Variants in ZNF587 observed in about 807,000 individuals in gnomAD.
ZNF587 encodes the protein zinc finger protein 587, also known as zinc finger protein zfp6.
A neutral mutation model predicts 7.5 loss-of-function variants in ZNF587; 8 were observed. The observed-to-expected ratio is 1.06, with a 90% CI of 0.62 to 1.92. The LOEUF is 1.92. Among genes scored for constraint, ZNF587 ranks in the 40% most tolerant of loss-of-function variants. The probability of loss-of-function intolerance (pLI) is 0.00; values close to 1 mark genes in which losing one functional copy is unlikely to be tolerated. For synonymous variants in ZNF587, 145 were observed against 237.8 expected (o/e 0.61, Z 3.59); for missense variants, 468 against 692.8 (o/e 0.68, Z 3.64).
rs1170631135 is a variant in ZNF587, at chr19:57,864,842, G to C, written c.*4702G>C. 1 of 152,014 alleles carries C rather than the reference G, an allele frequency of 6.6e-6. No individual in the cohort carries two copies. The highest frequency in any genetic ancestry group is 1.5e-5 in the Non-Finnish European group (1 of 68,016). 9.4% of individuals were successfully genotyped at this position (152,014 alleles called of 1,614,324 possible). Reference sequence around the variant, plus strand: ...ACCTTTGTAATCAGGGGGAATTAAAGAGCCTTCCTGGAAAATGGAGGTTGC... The same window carrying C: ...ACCTTTGTAATCAGGGGGAATTAAACAGCCTTCCTGGAAAATGGAGGTTGC... On this transcript the variant is annotated 3_prime_UTR_variant, in exon 3 of 3. Coordinates refer to ENST00000339656, the MANE Select transcript of ZNF587 (RefSeq NM_032828.4).
intron 1 of ZNF587, chr19:57,852,529 T>G: frequency 5.1e-6 from 2 of 395,866 alleles, no homozygotes; most frequent in Non-Finnish European, 8.9e-6. Context: ...AGCTAGGTTT[T>G]CTTTTTTTTT....
At chr19:57,850,193 C>T (rs1044632012) in intron 1 of ZNF587, 122 bp downstream of exon 1, 30 of 1,572,734 alleles carry the variant, frequency 1.9e-5, no homozygotes, top group East Asian at 4.6e-5. Context: ...CACTGAGGCG[C>T]TCACAGGAGG....
Position 57,864,962 on chromosome 19 carries a change from A to G in ZNF587, c.*4822A>G, listed in dbSNP as rs2071489672. The G allele has an allele frequency of 6.6e-6, 1 of 152,140 alleles. No homozygotes were observed. Among genetic ancestry groups the G allele is most frequent in the Non-Finnish European group, 1.5e-5 (1 of 68,042 alleles). The allele number at this position is 152,140 out of a possible 1,614,324, so 9.4% of individuals were successfully genotyped here. A position where few individuals can be genotyped will look rare whatever the true frequency, so the allele number is the denominator to read the frequency against. On this transcript the variant is annotated 3_prime_UTR_variant, in exon 3 of 3. Transcript: ENST00000339656. ...AAAAAATTCTTTATTTTCTCCATAA[A>G]CTACAGTTTATATAAGCAAAAGTTT...
Position 57,864,548 on chromosome 19 carries a change from T to G in ZNF587, c.*4408T>G, listed in dbSNP as rs1341661200. ...AAGGTACAGTCAGATGTTAACAGTC[T>G]CAGCCCCTAAATGTCACCTTGTATT... On this transcript the variant is annotated 3_prime_UTR_variant, in exon 3 of 3. Transcript: ENST00000339656. 6.6e-6 allele frequency: 1 copy of G among 152,074 alleles called. No homozygotes were observed. Among genetic ancestry groups the G allele is most frequent in the Admixed American group, 6.6e-5 (1 of 15,250 alleles). The allele number at this position is 152,074 out of a possible 1,614,324, so 9.4% of individuals were successfully genotyped here.
rs1033812026 is a variant in ZNF587 at position 57,862,997 on chromosome 19, G to C, written c.*2857G>C. 1 of 153,468 alleles carries C rather than the reference G, an allele frequency of 6.5e-6. No homozygotes were observed. The highest frequency in any genetic ancestry group is 1.5e-5 in the Non-Finnish European group (1 of 68,264). 9.5% of individuals were successfully genotyped at this position (153,468 alleles called of 1,614,324 possible). A position where few individuals can be genotyped will look rare whatever the true frequency, so the allele number is the denominator to read the frequency against. ...TTGAGAAGTCTCACTCTTTCACCCA[G>C]GCTGGAGTGCAGTGGCACGATCTCG... On this transcript the variant is annotated 3_prime_UTR_variant, in exon 3 of 3. Transcript: ENST00000339656.
intron 1 of ZNF587, chr19:57,851,861 G>T (rs772699280): frequency 2.0e-5 from 3 of 152,958 alleles, no homozygotes; most frequent in African/African-American, 4.8e-5. Flanking sequence ...CCGTTTTGTA[G>T]ATCACATAGA....
rs980903882 is a variant in ZNF587, at chr19:57,862,993, C to T, written c.*2853C>T. On this transcript the variant is annotated 3_prime_UTR_variant, in exon 3 of 3. Coordinates refer to ENST00000339656, the MANE Select transcript of ZNF587 (RefSeq NM_032828.4). Reference sequence around the variant, plus strand: ...TTTTTTGAGAAGTCTCACTCTTTCACCCAGGCTGGAGTGCAGTGGCACGAT... The same window carrying T: ...TTTTTTGAGAAGTCTCACTCTTTCATCCAGGCTGGAGTGCAGTGGCACGAT... The T allele has an allele frequency of 1.3e-5, 2 of 153,586 alleles. No homozygotes were observed. Among genetic ancestry groups the T allele is most frequent in the African/African-American group, 4.8e-5 (2 of 41,490 alleles). The allele number at this position is 153,586 out of a possible 1,614,324, so 9.5% of individuals were successfully genotyped here.
chr19:57,857,747 G>A (rs750049425), intron 2 of ZNF587, among the ~76,000 whole-genome samples: 3 of 151,854 alleles, frequency 2.0e-5, no homozygotes, highest in Non-Finnish European at 2.9e-5. Flanking sequence ...CGATTCTCCT[G>A]CCTCAGCCTC....
rs144364896 is a variant in ZNF587, at chr19:57,859,591, C to T, written c.1179C>T (p.Gly393=). ...GTGGGAAATCTTTTGGTCAAAAGGGCAACCTCGTTCACCATCAGCGAGGTC... is the reference window on the plus strand; with the variant it reads ...GTGGGAAATCTTTTGGTCAAAAGGGTAACCTCGTTCACCATCAGCGAGGTC... The part of the protein sequence containing the change: ...GECGKSFGQK[G]NLVHHQRGHT... Residue 393 remains glycine (G), a synonymous_variant, in exon 3 of 3, where the codon GGC becomes GGT. Transcript: ENST00000339656. 5.0e-6 allele frequency: 8 copies of T among 1,613,840 alleles called. No individual in the cohort carries two copies. The South Asian group carries it at 6.6e-5, about 13-fold the overall frequency.
intron 2 of ZNF587, 179 bp from the exon 3 acceptor site, chr19:57,858,397 G>C (rs1329421026): frequency 3.5e-5 from 46 of 1,310,202 alleles, no homozygotes; most frequent in Non-Finnish European, 4.4e-5. Flanking sequence ...AAAGTGCTGG[G>C]ATTACAGGTG....
chr19:57,850,230 T>A (rs2071264130), intron 1 of ZNF587, 159 bp downstream of exon 1: 2 of 1,369,478 alleles, frequency 1.5e-6, no homozygotes, highest in East Asian at 2.5e-5. Flanking sequence ...TCCAGTGGGT[T>A]CACGTTGCCA....
rs77825740 is a variant in ZNF587 at position 57,859,359 on chromosome 19, T to G, written c.947T>G (p.Leu316Arg). 0.27 allele frequency: 421,630 copies of G among 1,569,006 alleles called. 54,083 individuals carry two copies. Among genetic ancestry groups the G allele is most frequent in the East Asian group, 0.51 (22,782 of 44,376 alleles). Residue 316 changes from leucine (L) to arginine (R), a missense_variant, in exon 3 of 3, where the codon CTT becomes CGT. Around this residue, in one of 5 missense-constraint regions of ZNF587, gnomAD observed 310 missense variants for 325.6 expected, o/e 0.95. Transcript: ENST00000339656. ...AAGGGCAGCCTTATTAGCCATCAGC[T>G]TGTTCACACTGGAGAAGGGCCTTAT... is the stretch of plus-strand genomic sequence containing the variant. ...SQKGSLISHQLVHTGEGPYEC... is the reference protein window; with the variant it reads ...SQKGSLISHQRVHTGEGPYEC...
rs1160831211 is a variant in ZNF587, at chr19:57,862,654, G to C, written c.*2514G>C. On this transcript the variant is annotated 3_prime_UTR_variant, in exon 3 of 3. Transcript: ENST00000339656. ...CATGAATGTCGACACTGCAGCCACA[G>C]TTTTGGCCGTAAATGTGAATTTGGC... 2.6e-5 allele frequency: 4 copies of C among 154,940 alleles called. No individual in the cohort carries two copies. Among genetic ancestry groups the C allele is most frequent in the East Asian group, 1.9e-4 (1 of 5,186 alleles). 9.6% of individuals were successfully genotyped at this position (154,940 alleles called of 1,614,324 possible). A position where few individuals can be genotyped will look rare whatever the true frequency, so the allele number is the denominator to read the frequency against.
chr19:57,858,831 A>G lies in ZNF587; in HGVS notation c.419A>G (p.Lys140Arg). The G allele has an allele frequency of 6.2e-7, 1 of 1,606,510 alleles. No homozygotes were observed. Residue 140 changes from lysine to arginine, a missense_variant, in exon 3 of 3, where the codon AAG (lysine) becomes AGG (arginine). Physicochemically the swap from Lys to Arg is conservative, Grantham distance 26. Around this residue, in one of 5 missense-constraint regions of ZNF587, gnomAD observed 23 missense variants for 166.4 expected, o/e 0.14. Coordinates refer to ENST00000339656, the MANE Select transcript of ZNF587 (RefSeq NM_032828.4). ...ACTGCATACCTTCATCAGCACCAGA[A>G]GCAGCATATTGGAGAGAAATTCTAC... Reference protein sequence around the residue: ...DDTAYLHQHQKQHIGEKFYRK... With the variant: ...DDTAYLHQHQRQHIGEKFYRK...
Position 57,849,896 on chromosome 19 carries a change from A to G in ZNF587, c.-143A>G, listed in dbSNP as rs551137689. 2.6e-6 allele frequency: 4 copies of G among 1,536,664 alleles called. No homozygotes were observed. The African/African-American group carries it at 5.5e-5, about 21-fold the overall frequency. On this transcript the variant is annotated 5_prime_UTR_variant, in exon 1 of 3. Coordinates refer to ENST00000339656, the MANE Select transcript of ZNF587 (RefSeq NM_032828.4). ...GTATCGGCGATGCGGGTGTTTCCCCAGTTTGTGGCCCCTGAGTGCTGGGTG... is the reference window on the plus strand; with the variant it reads ...GTATCGGCGATGCGGGTGTTTCCCCGGTTTGTGGCCCCTGAGTGCTGGGTG...
intron 1 of ZNF587, among the ~76,000 whole-genome samples, chr19:57,853,590 G>C (rs1210149448): frequency 2.0e-5 from 3 of 152,118 alleles, no homozygotes; most frequent in African/African-American, 7.2e-5. Context: ...ACACCTGAGA[G>C]GGTGTGAGTG....
chr19:57,856,409 G>GT (rs113480202), intron 2 of ZNF587, among the ~76,000 whole-genome samples, 176 bp downstream of exon 2: 585 of 141,262 alleles, frequency 4.1e-3, no homozygotes, highest in Non-Finnish European at 4.5e-3. Context: ...TTCCTCTCCT[G>GT]TTTTTTTTTT....
chr19:57,852,853 T>A (rs2071299329), intron 1 of ZNF587, among the ~76,000 whole-genome samples: 1 of 129,994 alleles, frequency 7.7e-6, no homozygotes, highest in African/African-American at 3.0e-5. Context: ...TTTTTTTTTT[T>A]TTTTTTTTTT....
In ZNF587 at chr19:57,860,350, C is replaced by T. The variant is rs2071419077; in HGVS notation, c.*210C>T. On this transcript the variant is annotated 3_prime_UTR_variant, in exon 3 of 3. Transcript: ENST00000339656. ...GTGGTGCAGTCTTGGCTCGCTGCAA[C>T]TTGGGCCTCCTGGGTTCATGCAATC... is the stretch of plus-strand genomic sequence containing the variant. The T allele has an allele frequency of 2.3e-6, 2 of 870,148 alleles. No homozygotes were observed. The allele number at this position is 870,148 out of a possible 1,614,324, so 53.9% of individuals were successfully genotyped here.
Sources: gnomAD v4.1 joint callset for allele counts (sites outside exome capture counted in the v4.1 genomes callset) on GRCh38, gnomAD v4.1.1 for gene constraint, gnomAD v4.1.1 regional missense constraint, MANE v1.5 for transcripts, NCBI Gene and HGNC (gene_info 2026-07-23, HGNC 2026-07-21) for gene names.